Variants in GET1 observed in about 807,000 individuals in gnomAD.
GET1 encodes congenital heart disease 5 protein.
A neutral mutation model predicts 22.6 loss-of-function variants in GET1; 20 were observed. The observed-to-expected ratio is 0.89, with a 90% CI of 0.62 to 1.29. The LOEUF is 1.29. GET1 is among the 50% of genes most tolerant of loss of function. The probability of loss-of-function intolerance (pLI) is 0.00; values close to 1 mark genes in which losing one functional copy is unlikely to be tolerated. For synonymous variants in GET1, 92 were observed against 83.8 expected, an observed-to-expected ratio of 1.10 and a Z score of -0.53; for missense variants, 209 against 219.9, an observed-to-expected ratio of 0.95 and a Z score of 0.31.
intron 4 of GET1, among the ~76,000 whole-genome samples, 181 bp from the exon 5 acceptor site, chr21:39,396,685 C>CAAAAA (rs5843962): frequency 2.0e-5 from 2 of 97,886 alleles, no homozygotes; most frequent in African/African-American, 3.9e-5. Flanking sequence ...GACTCCGTCT[C>CAAAAA]AAAAAAAAAA....
At chr21:39,409,108 GC>G (rs2039618447), downstream of GET1, among the ~76,000 whole-genome samples, 1 of 152,124 alleles carries the variant, frequency 6.6e-6, no homozygotes, top group South Asian at 2.1e-4. This position sits in a 1 kb window ranked among gnomAD's most constrained non-coding sequence, Gnocchi z 4.2. Flanking sequence ...CAAGGTTGGG[GC>G]CTTCATGACG....
downstream of GET1, among the ~76,000 whole-genome samples, chr21:39,402,421 C>T (rs1384696716): frequency 3.9e-5 from 6 of 152,158 alleles, no homozygotes; most frequent in Non-Finnish European, 8.8e-5. Context: ...TCTTTACTTA[C>T]AATCTTTTAG....
intron 1 of GET1, chr21:39,411,756 A>G (rs1432218784): frequency 6.3e-7 from 1 of 1,590,106 alleles, no homozygotes; most frequent in African/African-American, 1.3e-5. Flanking sequence ...ATTTTTAAGT[A>G]TTCGATGACT....
At chr21:39,380,690 G>T in intron 1 of GET1, 1 of 1,386,544 alleles carries the variant, frequency 7.2e-7, no homozygotes, top group Non-Finnish European at 9.4e-7. Flanking sequence ...GGTTCTAGGG[G>T]GTTGGGAGAA....
At chr21:39,384,564 A>T (rs1283451004) in intron 1 of GET1, among the ~76,000 whole-genome samples, 1 of 144,494 alleles carries the variant, frequency 6.9e-6, no homozygotes, top group Non-Finnish European at 1.5e-5. Context: ...CTGGCCGACA[A>T]TTTTTTTTTT....
chr21:39,384,318 G>A (rs895006301), intron 1 of GET1, among the ~76,000 whole-genome samples: 10 of 151,488 alleles, frequency 6.6e-5, no homozygotes, highest in Non-Finnish European at 1.3e-4. Flanking sequence ...GTGCAGTGGC[G>A]CTATCTCGGC....
intron 1 of GET1, among the ~76,000 whole-genome samples, chr21:39,417,821 G>A (rs753260324): frequency 6.1e-4 from 92 of 151,798 alleles, no homozygotes; most frequent in Middle Eastern, 6.8e-3. Context: ...GCTGGAGTGC[G>A]GTGGCGTGAT....
chr21:39,386,374 C>T (rs547205014), intron 1 of GET1: 1 of 152,338 alleles, frequency 6.6e-6, no homozygotes, highest in East Asian at 1.9e-4. Flanking sequence ...CAGGACCTAC[C>T]CCAGAATCCT....
downstream of GET1, among the ~76,000 whole-genome samples, chr21:39,409,536 G>C (rs1319043240): frequency 1.3e-5 from 2 of 152,136 alleles, no homozygotes; most frequent in African/African-American, 4.8e-5. The surrounding 1 kb of genome is among the most constrained non-coding windows in gnomAD (Gnocchi z 4.2). Context: ...TGTTTCTTAA[G>C]CAGGCTACTG....
chr21:39,409,949 A>G (rs192100182), downstream of GET1: 7 of 1,229,752 alleles, frequency 5.7e-6, no homozygotes, highest in African/African-American at 6.0e-5. The surrounding 1 kb of genome is among the most constrained non-coding windows in gnomAD (Gnocchi z 4.2). Flanking sequence ...AAGAAATCAG[A>G]TAAGATAGAC....
At chr21:39,395,759 C>T (rs1401064652) in intron 4 of GET1, among the ~76,000 whole-genome samples, 1 of 152,202 alleles carries the variant, frequency 6.6e-6, no homozygotes, top group Non-Finnish European at 1.5e-5. Flanking sequence ...ACAGCTGGGC[C>T]TAGGCCAGGA....
At chr21:39,391,463 AT>A in intron 2 of GET1, 1 of 342,310 alleles carries the variant, frequency 2.9e-6, no homozygotes, top group Non-Finnish European at 5.4e-6. Flanking sequence ...AAGGAGGAAA[AT>A]TTAGTCCTGT....
At chr21:39,389,565 C>T (rs2038159165) in intron 1 of GET1, among the ~76,000 whole-genome samples, 1 of 152,202 alleles carries the variant, frequency 6.6e-6, no homozygotes, top group African/African-American at 2.4e-5. Flanking sequence ...CCCACTGTTA[C>T]CCAAGTGAAT....
In GET1 at chr21:39,384,449, A is replaced by C. The variant is rs535048476; in HGVS notation, c.102+3963A>C. ...TTTTTGTATTTTTTTTAGTAGAAAG[A>C]GGGTTTCACCATGTTGGCCTGGCTG... On this transcript the variant is annotated intron_variant, in intron 1 of 4. Transcript: ENST00000649170. Among the ~76,000 whole-genome samples the C allele has an allele frequency of 1.8e-4, 27 of 149,946 alleles. No individual in the cohort carries two copies. The East Asian group carries it at 5.4e-3, about 30-fold the overall frequency.
chr21:39,405,849 TC>T, intron 4 of GET1: 1 of 1,454,392 alleles, frequency 6.9e-7, no homozygotes, highest in African/African-American at 1.4e-5. Flanking sequence ...CAGCATTATA[TC>T]AAACCAGAAT....
chr21:39,420,750 T>G, intron 1 of GET1: 1 of 1,613,724 alleles, frequency 6.2e-7, no homozygotes, highest in East Asian at 2.2e-5. Flanking sequence ...TGCAGAGTCT[T>G]GGTAGCTGTC....
intron 4 of GET1, among the ~76,000 whole-genome samples, chr21:39,395,006 A>G (rs1449943328): frequency 6.6e-6 from 1 of 151,822 alleles, no homozygotes; most frequent in African/African-American, 2.4e-5. Flanking sequence ...AATAGTTAGG[A>G]TCACAGTTGC....
chr21:39,390,631 G>A (rs189477996), intron 1 of GET1, 67 bp from the exon 2 acceptor site: 14 of 1,581,582 alleles, frequency 8.9e-6, no homozygotes, highest in South Asian at 2.3e-5. Context: ...AGAAAGTAGC[G>A]GGGGACTGGG....
In GET1 at chr21:39,390,880, A is replaced by G; in HGVS notation, c.268+17A>G. On this transcript the variant is annotated intron_variant, in intron 2 of 4. Coordinates refer to ENST00000649170, the MANE Select transcript of GET1 (RefSeq NM_004627.6). ...AAACCCATGGTACTGTGTCCCTTGC[A>G]GCCTGGAGGCTTCATGAGAGCGGAT... The G allele has an allele frequency of 6.2e-7, 1 of 1,613,596 alleles. No homozygotes were observed. Among genetic ancestry groups the G allele is most frequent in the Non-Finnish European group, 8.5e-7 (1 of 1,179,648 alleles).
Sources: allele counts gnomAD v4.1 joint callset (sites outside exome capture counted in the v4.1 genomes callset), GRCh38; gene constraint gnomAD v4.1.1; non-coding constraint Gnocchi (gnomAD v3.1); transcripts MANE v1.5; gene names NCBI Gene and HGNC (gene_info 2026-07-23, HGNC 2026-07-21).